The following RBFOX2 variants were observed in gnomAD, a reference collection of about 807,000 sequenced individuals.
RBFOX2 encodes the protein RNA binding protein fox-1 homolog 2.
RBFOX2 carries 10 observed loss-of-function variants against 49.1 expected under a neutral mutation model. The observed-to-expected ratio is 0.20, with a 90% CI of 0.13 to 0.35. The LOEUF is 0.35. RBFOX2 is among the 10% of genes least tolerant of loss of function. The pLI is 1.00. For missense variants in RBFOX2, 323 were observed against 486.9 expected, an observed-to-expected ratio of 0.66 and a Z score of 3.17; for synonymous variants, 183 against 187.4, an observed-to-expected ratio of 0.98 and a Z score of 0.19.
chr22:35,953,705 T>C (rs1263442084), intron 1 of RBFOX2, among the ~76,000 whole-genome samples: 1 of 152,230 alleles, frequency 6.6e-6, no homozygotes, highest in Non-Finnish European at 1.5e-5. Context: ...CAATGCAGTA[T>C]ACACCACAGT....
chr22:35,910,937 G>T (rs1429384467), intron 1 of RBFOX2, among the ~76,000 whole-genome samples: 2 of 152,164 alleles, frequency 1.3e-5, no homozygotes, highest in East Asian at 1.9e-4. Flanking sequence ...TAACATAAAT[G>T]AGTTCAGTGG....
Position 35,759,974 on chromosome 22 carries a change from G to A in RBFOX2, c.801C>T (p.Phe267=). The change falls in exon 9 of 12, where the codon TTC becomes TTT. Residue 267 remains phenylalanine (F), a synonymous_variant. Coordinates refer to ENST00000405409, the Ensembl canonical transcript of RBFOX2. This position sits in a 1 kb window ranked among gnomAD's most constrained non-coding sequence, Gnocchi z 4.6. Reference sequence around the variant, plus strand: ...CTCTGCCCCTCAAATGGGCTCCTCTGAAAGCGGCTGCCGTGGTGGCTGCAG... The same window carrying A: ...CTCTGCCCCTCAAATGGGCTCCTCTAAAAGCGGCTGCCGTGGTGGCTGCAG... 6.2e-7 allele frequency: 1 copy of A among 1,613,866 alleles called. No individual in the cohort carries two copies. The highest frequency in any genetic ancestry group is 8.5e-7 in the Non-Finnish European group (1 of 1,180,024).
At chr22:35,988,637 G>A (rs1187023048) in intron 1 of RBFOX2, among the ~76,000 whole-genome samples, 2 of 152,182 alleles carry the variant, frequency 1.3e-5, no homozygotes, top group Non-Finnish European at 2.9e-5. Context: ...CATGGTATAT[G>A]CATGAGCGGG....
intron 1 of RBFOX2, among the ~76,000 whole-genome samples, chr22:35,890,478 TA>T (rs1426095869): frequency 4.6e-5 from 7 of 152,206 alleles, no homozygotes; most frequent in Non-Finnish European, 8.8e-5. Context: ...GTGGTTTCTT[TA>T]TCTCTCTCAA....
intron 1 of RBFOX2, among the ~76,000 whole-genome samples, chr22:35,953,588 G>T (rs149032989): frequency 1.3e-5 from 2 of 152,264 alleles, no homozygotes; most frequent in Admixed American, 1.3e-4. Context: ...GGAGATAGTG[G>T]TTGTACAGCA....
chr22:35,957,385 A>G (rs2055693118), intron 1 of RBFOX2, among the ~76,000 whole-genome samples: 1 of 152,156 alleles, frequency 6.6e-6, no homozygotes, highest in Admixed American at 6.5e-5. Flanking sequence ...AGGACCACAG[A>G]TTATGAGGGG....
chr22:35,973,613 T>C (rs1460774698), intron 1 of RBFOX2, among the ~76,000 whole-genome samples: 1 of 152,198 alleles, frequency 6.6e-6, no homozygotes. Context: ...ATGGCAGGAA[T>C]TGCTGTGAAC....
At chr22:35,821,917 A>T (rs1255183382) in intron 1 of RBFOX2, 2 of 518,884 alleles carry the variant, frequency 3.9e-6, no homozygotes, top group Non-Finnish European at 7.7e-6. Flanking sequence ...AAATGGGAGG[A>T]AACCATAAAC....
At chr22:35,745,795 C>G in intron 11 of RBFOX2, 128 bp downstream of exon 13, 1 of 898,550 alleles carries the variant, frequency 1.1e-6, no homozygotes, top group Non-Finnish European at 1.8e-6. Context: ...CCAGGTAGAT[C>G]TATGTGGCTT....
intron 4 of RBFOX2, among the ~76,000 whole-genome samples, chr22:35,775,804 G>C (rs1943732389): frequency 7.6e-6 from 1 of 131,674 alleles, no homozygotes; most frequent in African/African-American, 3.1e-5. Context: ...CTGTGCCAAT[G>C]CAACTTTAGC....
chr22:35,851,904 C>T (rs1603410909), intron 1 of RBFOX2, among the ~76,000 whole-genome samples: 5 of 152,002 alleles, frequency 3.3e-5, no homozygotes, highest in African/African-American at 1.2e-4. Flanking sequence ...TAAAACCCTA[C>T]TTTGTCAATT....
At chr22:35,998,065 G>A (rs1052117115) in intron 1 of RBFOX2, 1 of 152,052 alleles carries the variant, frequency 6.6e-6, no homozygotes, top group Non-Finnish European at 1.5e-5. Context: ...TTTTTCAGTT[G>A]CCTTAGCTAA....
In RBFOX2 at chr22:35,781,878, G is replaced by GGAA; in HGVS notation, c.253-133_253-132insTTC. On this transcript the variant is annotated intron_variant, in intron 2 of 11. Transcript: ENST00000405409. ...CACAGTAGTCCCTTCAAAGACAAAA[G>GGAA]CAACAACAACAGCAGCAACAACAAA... The GGAA allele has an allele frequency of 4.0e-6, 4 of 1,003,366 alleles. No individual in the cohort carries two copies. In the South Asian group the frequency reaches 6.0e-5, roughly 15 times the overall value. The allele number at this position is 1,003,366 out of a possible 1,614,324, so 62.2% of individuals were successfully genotyped here.
chr22:36,013,152 T>C (rs912418414), intron 1 of RBFOX2, among the ~76,000 whole-genome samples: 7 of 152,124 alleles, frequency 4.6e-5, no homozygotes, highest in Admixed American at 3.9e-4. Context: ...CACATGCCTA[T>C]GGTCTCACCT....
intron 1 of RBFOX2, among the ~76,000 whole-genome samples, chr22:35,932,854 C>T (rs1386967415): frequency 6.6e-6 from 1 of 152,162 alleles, no homozygotes; most frequent in Non-Finnish European, 1.5e-5. Flanking sequence ...TCATTCCAGC[C>T]TGGGCAACAG....
intron 1 of RBFOX2, among the ~76,000 whole-genome samples, chr22:35,859,714 A>G (rs1272677255): frequency 6.6e-6 from 1 of 152,206 alleles, no homozygotes; most frequent in Non-Finnish European, 1.5e-5. Context: ...AATGGATAGG[A>G]CAATAGTTAT....
At chr22:35,843,819 A>C (rs188057721), upstream of RBFOX2, among the ~76,000 whole-genome samples, 1 of 152,182 alleles carries the variant, frequency 6.6e-6, no homozygotes, top group African/African-American at 2.4e-5. Context: ...CAGGCACCCC[A>C]GTAGAAATTT....
intron 2 of RBFOX2, among the ~76,000 whole-genome samples, chr22:35,798,638 G>C (rs959681653): frequency 2.0e-5 from 3 of 152,078 alleles, no homozygotes; most frequent in Non-Finnish European, 4.4e-5. Flanking sequence ...GTACAAAGTA[G>C]GCACTCAAAT....
At chr22:35,790,952 G>C (rs1324720240) in intron 2 of RBFOX2, among the ~76,000 whole-genome samples, 1 of 151,986 alleles carries the variant, frequency 6.6e-6, no homozygotes. Flanking sequence ...AGGCTGCAGT[G>C]AGCTATGATC....
Sources: gnomAD v4.1 joint callset for allele counts (sites outside exome capture counted in the v4.1 genomes callset) on GRCh38, gnomAD v4.1.1 for gene constraint, Gnocchi (gnomAD v3.1) non-coding constraint, MANE v1.5 for transcripts, NCBI Gene and HGNC (gene_info 2026-07-23, HGNC 2026-07-21) for gene names.